ZFYVE16: variants seen among roughly 807,000 people sequenced by gnomAD.
ZFYVE16 encodes zinc finger FYVE-type containing 16.
ZFYVE16 carries 89 observed loss-of-function variants against 138.1 expected under a neutral mutation model. The ratio of observed to expected loss-of-function variants is 0.64; its 90% confidence interval spans 0.54 to 0.77. The LOEUF is 0.77. ZFYVE16 is among the 30% of genes least tolerant of loss of function. ZFYVE16 has a pLI of 0.00. For synonymous variants in ZFYVE16, 596 were observed against 618.3 expected, an observed-to-expected ratio of 0.96 and a Z score of 0.53; for missense variants, 1,793 against 1,786.7, an observed-to-expected ratio of 1.00 and a Z score of -0.06.
intron 1 of ZFYVE16, among the ~76,000 whole-genome samples, chr5:80,426,714 G>A (rs771985685): frequency 1.4e-4 from 21 of 152,080 alleles, no homozygotes; most frequent in Non-Finnish European, 1.0e-4. Context: ...TGGGCATTTG[G>A]GTTGATTCCA....
intron 8 of ZFYVE16, 115 bp downstream of exon 8, chr5:80,448,519 G>A: frequency 9.9e-7 from 1 of 1,009,342 alleles, no homozygotes; most frequent in South Asian, 3.8e-5. Context: ...ATGTACTAAG[G>A]CTGGTAACTT....
In ZFYVE16 at chr5:80,449,636, T is replaced by C. The variant is rs765782905; in HGVS notation, c.3149T>C (p.Leu1050Pro). 1.2e-6 allele frequency: 2 copies of C among 1,611,668 alleles called. No individual in the cohort carries two copies. Among genetic ancestry groups the C allele is most frequent in the South Asian group, 1.1e-5 (1 of 90,716 alleles). The change falls in exon 9 of 19, where the codon CTT (leucine) becomes CCT (proline). Residue 1050 changes from leucine to proline, a missense_variant. Leu to Pro is a moderately conservative substitution (Grantham distance 98). This residue lies in a region of ZFYVE16 where 498 missense variants were observed against 582.4 expected (regional missense o/e 0.86). Coordinates refer to ENST00000505560, the MANE Select transcript of ZFYVE16 (RefSeq NM_001284236.3). ...CCATCTCATGAGCAGATCATTTTGC[T>C]TCTTGAAGGTGAAAGCTTTCATCCT... ...EHPSHEQIIL[L>P]LEGESFHPVT...
intron 1 of ZFYVE16, among the ~76,000 whole-genome samples, chr5:80,413,270 G>A (rs994215892): frequency 6.6e-5 from 10 of 152,026 alleles, no homozygotes; most frequent in Non-Finnish European, 1.2e-4. Context: ...TCGGGAGTTC[G>A]AGACCAGCCT....
In ZFYVE16 at chr5:80,457,069, G is replaced by A; in HGVS notation, c.3920G>A (p.Ser1307Asn). The change falls in exon 14 of 19, where the codon AGT becomes AAT. Residue 1307 changes from serine (S) to asparagine (N), a missense_variant. Coordinates refer to ENST00000505560, the MANE Select transcript of ZFYVE16 (RefSeq NM_001284236.3). The stretch of plus-strand genomic sequence containing the variant: ...GGAATTTATGAAACACAGGCCAACA[G>A]TGCCACTGGCCATCCTAGAAAAGGT... ...NDGIYETQANSATGHPRKVTG... is the reference protein window; with the variant it reads ...NDGIYETQANNATGHPRKVTG... 6.2e-7 allele frequency: 1 copy of A among 1,612,074 alleles called. No individual in the cohort carries two copies. The highest frequency in any genetic ancestry group is 8.5e-7 in the Non-Finnish European group (1 of 1,179,336).
intron 16 of ZFYVE16, 91 bp downstream of exon 16, chr5:80,473,014 G>T: frequency 8.7e-7 from 1 of 1,146,610 alleles, no homozygotes; most frequent in Non-Finnish European, 1.2e-6. Context: ...TTTTATGAAC[G>T]AATATATACT....
In ZFYVE16 at chr5:80,412,150, C is replaced by G. The variant is rs542149516; in HGVS notation, c.-94+3997C>G. 3.1e-4 allele frequency among the ~76,000 whole-genome samples: 47 copies of G among 152,218 alleles called. No homozygotes were observed. The South Asian group carries it at 8.3e-3, about 27-fold the overall frequency. ...TTTTCTCCACTGCATTATCTCAGCT[C>G]AGGCCTTCATCTCTTACCTTAACCA... is the stretch of plus-strand genomic sequence containing the variant. On this transcript the variant is annotated intron_variant, in intron 1 of 18. Transcript: ENST00000505560.
chr5:80,416,998 T>G (rs2112178517), intron 1 of ZFYVE16, among the ~76,000 whole-genome samples: 1 of 152,358 alleles, frequency 6.6e-6, no homozygotes, highest in Non-Finnish European at 1.5e-5. Context: ...TGAACATGAA[T>G]TTATATTGAT....
At chr5:80,477,076 A>T in intron 18 of ZFYVE16, 143 bp from the exon 19 acceptor site, 1 of 638,534 alleles carries the variant, frequency 1.6e-6, no homozygotes, top group South Asian at 2.9e-5. Flanking sequence ...ATACAGGAGA[A>T]TGTAGAATTT....
intron 8 of ZFYVE16, among the ~76,000 whole-genome samples, chr5:80,448,916 G>C (rs1377298777): frequency 6.6e-6 from 1 of 152,000 alleles, no homozygotes; most frequent in African/African-American, 2.4e-5. Context: ...CCCCACCCCA[G>C]AGTGGTTTCT....
At chr5:80,439,811 G>C in intron 4 of ZFYVE16, 125 bp from the exon 5 acceptor site, 3 of 542,868 alleles carry the variant, frequency 5.5e-6, no homozygotes, top group Non-Finnish European at 6.0e-6. Context: ...ATGGTGATTA[G>C]GAAATGATTT....
chr5:80,419,817 GTTTTA>G (rs2112204059), intron 1 of ZFYVE16, among the ~76,000 whole-genome samples: 1 of 138,836 alleles, frequency 7.2e-6, no homozygotes, highest in South Asian at 2.3e-4. Context: ...TTTTTGTTTT[GTTTTA>G]TTTTTTTGAG....
chr5:80,425,118 A>G (rs976376222), intron 1 of ZFYVE16, among the ~76,000 whole-genome samples: 3 of 152,174 alleles, frequency 2.0e-5, no homozygotes, highest in Admixed American at 1.3e-4. Context: ...AACTCCCAGC[A>G]TTATCTTTTC....
intron 1 of ZFYVE16, among the ~76,000 whole-genome samples, chr5:80,419,018 C>T (rs1381990892): frequency 6.7e-6 from 1 of 150,320 alleles, no homozygotes; most frequent in Non-Finnish European, 1.5e-5. Flanking sequence ...AAAGACTGTC[C>T]ATTCTCCATT....
At chr5:80,440,615 A>G (rs916379278) in intron 5 of ZFYVE16, 1 of 979,926 alleles carries the variant, frequency 1.0e-6, no homozygotes, top group Admixed American at 6.5e-5. Flanking sequence ...CTAATTAGCT[A>G]CAATTATTAG....
intron 1 of ZFYVE16, among the ~76,000 whole-genome samples, chr5:80,418,935 A>T (rs1237078961): frequency 2.0e-5 from 3 of 152,144 alleles, no homozygotes; most frequent in Non-Finnish European, 4.4e-5. Flanking sequence ...ATGTTTTTAT[A>T]TAAGGTGTAA....
chr5:80,447,889 T>G (rs1751556274), intron 7 of ZFYVE16, 137 bp from the exon 8 acceptor site: 1 of 714,172 alleles, frequency 1.4e-6, no homozygotes, highest in African/African-American at 1.8e-5. Flanking sequence ...GAAATTTGAC[T>G]TTAAGAGAAT....
intron 7 of ZFYVE16, 57 bp from the exon 8 acceptor site, chr5:80,447,969 A>G (rs1751567361): frequency 7.1e-7 from 1 of 1,410,380 alleles, no homozygotes; most frequent in African/African-American, 1.4e-5. Flanking sequence ...ATCTCATTTC[A>G]TAGTTGAACA....
At chr5:80,470,029 A>T (rs1029953386) in intron 15 of ZFYVE16, among the ~76,000 whole-genome samples, 4 of 147,536 alleles carry the variant, frequency 2.7e-5, no homozygotes, top group Middle Eastern at 3.2e-3. Flanking sequence ...ATACATATAT[A>T]TGTGTGTATA....
chr5:80,431,014 G>A (rs1417750700), intron 2 of ZFYVE16, among the ~76,000 whole-genome samples: 1 of 152,170 alleles, frequency 6.6e-6, no homozygotes, highest in Non-Finnish European at 1.5e-5. Flanking sequence ...GAGGTACAAG[G>A]AGGAGCTGGT....
Sources: allele counts gnomAD v4.1 joint callset (sites outside exome capture counted in the v4.1 genomes callset), GRCh38; gene constraint gnomAD v4.1.1; regional missense constraint gnomAD v4.1.1; transcripts MANE v1.5; gene names NCBI Gene and HGNC (gene_info 2026-07-23, HGNC 2026-07-21).